Variants in DGKB observed in about 807,000 individuals in gnomAD.
DGKB encodes diacylglycerol kinase beta, also known as 90 kDa diacylglycerol kinase.
A neutral mutation model predicts 114.3 loss-of-function variants in DGKB; 67 were observed. That is an observed-to-expected ratio of 0.59 (90% CI 0.48 to 0.72). The LOEUF is 0.72. DGKB is among the 30% of genes least tolerant of loss of function. The probability of loss-of-function intolerance (pLI) is 0.00; values close to 1 mark genes in which losing one functional copy is unlikely to be tolerated. For synonymous variants in DGKB, 398 were observed against 323.1 expected (o/e 1.23, Z -2.49); for missense variants, 907 against 975.2 (o/e 0.93, Z 0.93).
chr7:14,868,102 C>A (rs1391916683), intron 1 of DGKB, among the ~76,000 whole-genome samples: 5 of 151,988 alleles, frequency 3.3e-5, no homozygotes, highest in African/African-American at 1.2e-4. Flanking sequence ...CAACATATGT[C>A]CATGTAACTA....
intron 21 of DGKB, among the ~76,000 whole-genome samples, chr7:14,347,791 T>A (rs538956425): frequency 6.6e-6 from 1 of 152,174 alleles, no homozygotes; most frequent in African/African-American, 2.4e-5. Context: ...AGATTGTAAG[T>A]TTCTATGTGA....
intron 20 of DGKB, among the ~76,000 whole-genome samples, chr7:14,537,932 T>G (rs1792785606): frequency 6.6e-6 from 1 of 151,804 alleles, no homozygotes; most frequent in African/African-American, 2.4e-5. Context: ...AATACAAAAT[T>G]AGCCAGGCGT....
chr7:14,171,418 G>C (rs1362988293), intron 25 of DGKB, among the ~76,000 whole-genome samples: 6 of 151,996 alleles, frequency 3.9e-5, no homozygotes, highest in Non-Finnish European at 8.8e-5. Flanking sequence ...TTAAAATCTT[G>C]TTGGCACTAC....
intron 2 of DGKB, among the ~76,000 whole-genome samples, chr7:14,770,634 T>A (rs1837272894): frequency 1.3e-5 from 2 of 152,118 alleles, no homozygotes; most frequent in African/African-American, 4.8e-5. Flanking sequence ...CTCTAGGGAA[T>A]TCTAGAACAT....
At chr7:14,231,096 TTTC>T (rs2128340486) in intron 23 of DGKB, among the ~76,000 whole-genome samples, 1 of 108,296 alleles carries the variant, frequency 9.2e-6, no homozygotes, top group South Asian at 3.2e-4. Context: ...TCTTTCTTTC[TTTC>T]TTTCTTTCTT....
chr7:14,695,490 C>CTTTTTT (rs1823663284), intron 8 of DGKB, among the ~76,000 whole-genome samples: 7 of 81,690 alleles, frequency 8.6e-5, no homozygotes, highest in Non-Finnish European at 1.4e-4. Context: ...CTCTCTCTCT[C>CTTTTTT]TCTCTTTTTT....
At chr7:14,958,005 T>C (rs1172258505) in intron 1 of DGKB, among the ~76,000 whole-genome samples, 1 of 152,102 alleles carries the variant, frequency 6.6e-6, no homozygotes, top group Non-Finnish European at 1.5e-5. Context: ...ATATTGTGTT[T>C]ACGTAAAATC....
At chr7:14,795,740 A>T (rs1248278192) in intron 2 of DGKB, among the ~76,000 whole-genome samples, 1 of 152,084 alleles carries the variant, frequency 6.6e-6, no homozygotes, top group Non-Finnish European at 1.5e-5. Context: ...CAATCAGAAG[A>T]GTCTGATATG....
chr7:14,373,679 G>A (rs1284266041), intron 21 of DGKB, among the ~76,000 whole-genome samples: 1 of 151,920 alleles, frequency 6.6e-6, no homozygotes, highest in Non-Finnish European at 1.5e-5. Context: ...CTCTATCTTG[G>A]CTATCCATAT....
At chr7:14,189,380 G>C (rs1320581520) in intron 23 of DGKB, among the ~76,000 whole-genome samples, 1 of 152,104 alleles carries the variant, frequency 6.6e-6, no homozygotes, top group African/African-American at 2.4e-5. Context: ...ATGTTAGCCT[G>C]TGGTAATCAC....
chr7:14,649,551 G>A (rs1298369083), intron 13 of DGKB, among the ~76,000 whole-genome samples: 2 of 152,262 alleles, frequency 1.3e-5, no homozygotes, highest in East Asian at 3.9e-4. Context: ...ATGACAAAAT[G>A]TAAAGACCAT....
chr7:14,177,554 C>CAAAAAAAAAAA (rs56019837), intron 24 of DGKB, among the ~76,000 whole-genome samples: 15 of 69,018 alleles, frequency 2.2e-4, no homozygotes, highest in Non-Finnish European at 3.7e-4. Context: ...AACTCCGTCT[C>CAAAAAAAAAAA]AAAAAAAAAA....
intron 21 of DGKB, among the ~76,000 whole-genome samples, chr7:14,470,466 A>G (rs1032440243): frequency 4.6e-5 from 7 of 151,896 alleles, no homozygotes; most frequent in African/African-American, 1.7e-4. Context: ...TGACATTGTG[A>G]TATACTTCAT....
chr7:14,753,303 G>A (rs1324632021), intron 4 of DGKB, among the ~76,000 whole-genome samples: 1 of 152,168 alleles, frequency 6.6e-6, no homozygotes. Context: ...ACTCTAGTGT[G>A]ATTAAAAATG....
In DGKB at chr7:14,716,003, T is replaced by C. The variant is rs112206826; in HGVS notation, c.466+2539A>G. On this transcript the variant is annotated intron_variant, in intron 6 of 25. Coordinates refer to ENST00000402815, the MANE Select transcript of DGKB (RefSeq NM_001350709.2). ...GGCAATGGAAAGTGGCGGGAGGCACTGAATAGATTTTAAAAATATTTGGGG... is the reference window on the plus strand; with the variant it reads ...GGCAATGGAAAGTGGCGGGAGGCACCGAATAGATTTTAAAAATATTTGGGG... Among the ~76,000 whole-genome samples the C allele has an allele frequency of 4.5e-3, 679 of 152,314 alleles. 6 individuals are homozygous for C. Among genetic ancestry groups the C allele is most frequent in the Non-Finnish European group, 6.1e-3 (414 of 68,036 alleles).
intron 2 of DGKB, among the ~76,000 whole-genome samples, chr7:14,824,420 A>C (rs763996633): frequency 2.6e-5 from 4 of 152,204 alleles, no homozygotes; most frequent in Non-Finnish European, 5.9e-5. Context: ...AAAAAGTAGG[A>C]GAGAAATAGA....
chr7:14,664,963 G>A (rs566929504), intron 13 of DGKB, among the ~76,000 whole-genome samples: 6 of 151,828 alleles, frequency 4.0e-5, no homozygotes, highest in Admixed American at 6.6e-5. Flanking sequence ...AGTAGAAAGC[G>A]AGCACTGCAG....
intron 1 of DGKB, among the ~76,000 whole-genome samples, chr7:14,873,345 T>C (rs1852769555): frequency 6.6e-6 from 1 of 152,094 alleles, no homozygotes; most frequent in Non-Finnish European, 1.5e-5. Flanking sequence ...TCATATTTTG[T>C]TCTTAATCAT....
chr7:14,823,611 C>A (rs1562631694), intron 2 of DGKB, among the ~76,000 whole-genome samples: 1 of 151,742 alleles, frequency 6.6e-6, no homozygotes, highest in Non-Finnish European at 1.5e-5. Context: ...ATTTTTGACA[C>A]TGGGAAAAAG....
Sources: allele counts gnomAD v4.1 joint callset (sites outside exome capture counted in the v4.1 genomes callset), GRCh38; gene constraint gnomAD v4.1.1; transcripts MANE v1.5; gene names NCBI Gene and HGNC (gene_info 2026-07-23, HGNC 2026-07-21).